The following ST8SIA5 variants were observed in gnomAD, a reference collection of about 807,000 sequenced individuals.
ST8SIA5 encodes the protein ST8 alpha-N-acetyl-neuraminide alpha-2,8-sialyltransferase 5.
ST8SIA5 carries 24 observed loss-of-function variants against 40.2 expected under a neutral mutation model. That is an observed-to-expected ratio of 0.60 (90% CI 0.43 to 0.84). The LOEUF (loss-of-function observed/expected upper bound fraction) is 0.84, where lower values mean the gene tolerates loss of function less well. Ranked by LOEUF, ST8SIA5 falls within the 40% of genes least tolerant of loss-of-function variation. The probability of loss-of-function intolerance (pLI) is 0.00; values close to 1 mark genes in which losing one functional copy is unlikely to be tolerated. For synonymous variants in ST8SIA5, 198 were observed against 201.8 expected (o/e 0.98, Z 0.16); for missense variants, 465 against 498.5 (o/e 0.93, Z 0.64).
chr18:46,679,995 C>A lies in ST8SIA5; in HGVS notation c.*47G>T. The A allele has an allele frequency of 6.4e-7, 1 of 1,552,050 alleles. No individual in the cohort carries two copies. The highest frequency in any genetic ancestry group is 8.7e-7 in the Non-Finnish European group (1 of 1,147,490). ...GGGCTCCCAGTTCCACCAGGAGGGACAGCAGGAGAGGGGGCGCCGCTTGCC... is the reference window on the plus strand; with the variant it reads ...GGGCTCCCAGTTCCACCAGGAGGGAAAGCAGGAGAGGGGGCGCCGCTTGCC... On this transcript the variant is annotated 3_prime_UTR_variant, in exon 7 of 7. Transcript: ENST00000315087.
intron 1 of ST8SIA5, chr18:46,730,125 T>G: frequency 1.0e-6 from 1 of 978,634 alleles, no homozygotes; most frequent in Non-Finnish European, 1.2e-6. Context: ...AGCTGCCATG[T>G]TCCTTTAAAG....
chr18:46,731,729 T>G (rs970050274), intron 1 of ST8SIA5: 1 of 152,244 alleles, frequency 6.6e-6, no homozygotes, highest in Non-Finnish European at 1.5e-5. Context: ...GCTCATCCTA[T>G]GACCATCATC....
chr18:46,691,533 C>T (rs1000636663), intron 3 of ST8SIA5: 2 of 152,678 alleles, frequency 1.3e-5, no homozygotes, highest in African/African-American at 4.8e-5. Context: ...GCTTACAGAA[C>T]TTTAGAGATG....
Position 46,688,834 on chromosome 18 carries a change from C to A in ST8SIA5, c.397G>T (p.Glu133Ter), listed in dbSNP as rs1192992982. The A allele has an allele frequency of 6.2e-7, 1 of 1,613,968 alleles. No individual in the cohort carries two copies. Among genetic ancestry groups the A allele is most frequent in the Admixed American group, 1.7e-5 (1 of 59,992 alleles). ...NTPLGTKLKY[E>*]VDTSGIYHIN... The stretch of plus-strand genomic sequence containing the variant: ...TGGTAGATGCCACTGGTGTCCACCT[C>A]ATACTTGAGCTTTGTCCCCAGGGGA... The change falls in exon 4 of 7, where the codon GAG (glutamate) becomes TAG (stop). Residue 133 changes from glutamate (E) to a stop codon, truncating the protein, a stop_gained. Transcript: ENST00000315087. LOFTEE classifies it high-confidence loss of function.
intron 6 of ST8SIA5, among the ~76,000 whole-genome samples, chr18:46,681,112 C>T (rs2039390842): frequency 6.6e-6 from 1 of 152,104 alleles, no homozygotes; most frequent in African/African-American, 2.4e-5. Context: ...GCTGAGACTA[C>T]AGGTGTGCAC....
chr18:46,700,244 G>A (rs1353615822), intron 2 of ST8SIA5, among the ~76,000 whole-genome samples: 2 of 152,204 alleles, frequency 1.3e-5, no homozygotes, highest in African/African-American at 4.8e-5. Flanking sequence ...TTTTACCACT[G>A]ATTTCAGCAA....
intron 3 of ST8SIA5, 188 bp from the exon 4 acceptor site, chr18:46,689,107 T>C (rs1357209697): frequency 1.8e-6 from 1 of 545,898 alleles, no homozygotes; most frequent in African/African-American, 2.1e-5. Flanking sequence ...ATCCCCACCC[T>C]GCATGGAGCC....
chr18:46,725,972 A>AATATATATATATAT (rs1555696955), intron 1 of ST8SIA5, among the ~76,000 whole-genome samples: 4 of 29,080 alleles, frequency 1.4e-4, no homozygotes, highest in South Asian at 1.4e-3. Context: ...AAAAAAAAAA[A>AATATATATATATAT]ATATATATAT....
rs531673881 is a variant in ST8SIA5 at position 46,731,513 on chromosome 18, C to T, written c.131+24865G>A. On this transcript the variant is annotated intron_variant, in intron 1 of 6. Coordinates refer to ENST00000315087, the MANE Select transcript of ST8SIA5 (RefSeq NM_013305.6). ...TCGCCCCAGCAGGAGAGCCCAGGCC[C>T]CTGTGGAGGGCGAGGACTCCAAGGA... 2.6e-5 allele frequency among the ~76,000 whole-genome samples: 4 copies of T among 152,338 alleles called. No individual in the cohort carries two copies. In the South Asian group the frequency reaches 8.3e-4, roughly 32 times the overall value.
chr18:46,696,452 C>A (rs1394070935), intron 2 of ST8SIA5, among the ~76,000 whole-genome samples: 1 of 152,194 alleles, frequency 6.6e-6, no homozygotes, highest in East Asian at 1.9e-4. Flanking sequence ...AGCGTCTGGG[C>A]CCTACTCTCT....
At chr18:46,710,404 T>TC (rs1568263064) in intron 1 of ST8SIA5, among the ~76,000 whole-genome samples, 9 of 133,750 alleles carry the variant, frequency 6.7e-5, no homozygotes, top group African/African-American at 2.6e-4. Flanking sequence ...TCTTTCTTTC[T>TC]TTCTTTCTTT....
At chr18:46,734,886 C>T (rs2040019201) in intron 1 of ST8SIA5, among the ~76,000 whole-genome samples, 1 of 152,224 alleles carries the variant, frequency 6.6e-6, no homozygotes, top group South Asian at 2.1e-4. Context: ...CTTTAAGTGT[C>T]AACTTGATTA....
rs529120348 is a variant in ST8SIA5, at chr18:46,669,130, C to T, written c.*10912G>A. 1.2e-4 allele frequency: 18 copies of T among 152,748 alleles called. No homozygotes were observed. The highest frequency in any genetic ancestry group is 1.1e-3 in the Admixed American group (17 of 15,318). 9.5% of individuals were successfully genotyped at this position (152,748 alleles called of 1,614,324 possible). The stretch of plus-strand genomic sequence containing the variant: ...GCCCCCAAAGAGGAATGAATACGAA[C>T]AGGTCCCTCCACACAGGTGCTGGGC... On this transcript the variant is annotated 3_prime_UTR_variant, in exon 7 of 7. Coordinates refer to ENST00000315087, the MANE Select transcript of ST8SIA5 (RefSeq NM_013305.6).
intron 1 of ST8SIA5, among the ~76,000 whole-genome samples, chr18:46,715,634 T>C (rs1163812437): frequency 4.0e-5 from 6 of 151,784 alleles, no homozygotes; most frequent in East Asian, 1.9e-4. Flanking sequence ...TCTCAGCTCA[T>C]AGTGGCATGA....
intron 5 of ST8SIA5, among the ~76,000 whole-genome samples, chr18:46,685,518 A>G (rs1267050043): frequency 1.3e-5 from 2 of 152,130 alleles, no homozygotes; most frequent in Non-Finnish European, 2.9e-5. Context: ...AATATGCAGG[A>G]GTCCCTTTAT....
chr18:46,696,758 C>G (rs923976003), intron 2 of ST8SIA5, among the ~76,000 whole-genome samples: 2 of 152,118 alleles, frequency 1.3e-5, no homozygotes, highest in Admixed American at 6.5e-5. Context: ...CTCCTTTCTC[C>G]CAAGACACCA....
At chr18:46,750,842 T>A (rs2040189057) in intron 1 of ST8SIA5, among the ~76,000 whole-genome samples, 1 of 152,184 alleles carries the variant, frequency 6.6e-6, no homozygotes, top group Non-Finnish European at 1.5e-5. Context: ...CTCTGCTCTG[T>A]CCTTGGTGAC....
chr18:46,730,242 G>C, intron 1 of ST8SIA5: 3 of 985,280 alleles, frequency 3.0e-6, no homozygotes, highest in Non-Finnish European at 3.6e-6. Context: ...TTCTTGGATA[G>C]GGGGGCTCGC....
chr18:46,732,556 T>A (rs971444763), intron 1 of ST8SIA5, among the ~76,000 whole-genome samples: 2 of 151,796 alleles, frequency 1.3e-5, no homozygotes, highest in Non-Finnish European at 2.9e-5. Context: ...CACCACCCCC[T>A]CCCTCTTGAC....
Sources: allele counts gnomAD v4.1 joint callset (sites outside exome capture counted in the v4.1 genomes callset), GRCh38; gene constraint gnomAD v4.1.1; transcripts MANE v1.5; gene names NCBI Gene and HGNC (gene_info 2026-07-23, HGNC 2026-07-21).